Variants in CUX2 observed in about 807,000 individuals in gnomAD.
CUX2 encodes homeobox protein cut-like 2.
CUX2 carries 40 observed loss-of-function variants against 144.8 expected under a neutral mutation model. The ratio of observed to expected loss-of-function variants is 0.28; its 90% CI spans 0.21 to 0.36. The LOEUF is 0.36. Ranked by LOEUF, CUX2 falls within the 10% of genes least tolerant of loss-of-function variation. The probability of loss-of-function intolerance (pLI) is 1.00; values close to 1 mark genes in which losing one functional copy is unlikely to be tolerated. For missense variants in CUX2, 1,615 were observed against 1,994.0 expected (o/e 0.81, Z 3.62); for synonymous variants, 827 against 875.6 (o/e 0.94, Z 0.98).
At chr12:111,087,298 G>A (rs775414187) in intron 1 of CUX2, among the ~76,000 whole-genome samples, 1 of 147,928 alleles carries the variant, frequency 6.8e-6, no homozygotes, top group Non-Finnish European at 1.5e-5. Context: ...AACCTGGGAG[G>A]CGGAGGTTGC....
At chr12:111,298,933 A>G (rs1280574152) in intron 9 of CUX2, among the ~76,000 whole-genome samples, 1 of 152,244 alleles carries the variant, frequency 6.6e-6, no homozygotes, top group Admixed American at 6.5e-5. Flanking sequence ...TAAGACCCAA[A>G]GAATAAATGA....
intron 1 of CUX2, among the ~76,000 whole-genome samples, chr12:111,072,481 A>T (rs182268759): frequency 6.6e-6 from 1 of 152,122 alleles, no homozygotes; most frequent in Admixed American, 6.5e-5. Context: ...CCATCTCTCC[A>T]TCACAATACA....
chr12:111,103,423 C>T (rs1213239577), intron 1 of CUX2, among the ~76,000 whole-genome samples: 1 of 152,166 alleles, frequency 6.6e-6, no homozygotes, highest in Admixed American at 6.5e-5. Flanking sequence ...TCTCTCAACT[C>T]GAAGACCAGG....
chr12:111,144,854 C>T (rs1327990494), intron 1 of CUX2, among the ~76,000 whole-genome samples: 1 of 152,156 alleles, frequency 6.6e-6, no homozygotes, highest in Non-Finnish European at 1.5e-5. Context: ...AGACTGTGGG[C>T]CGGGCAGTAG....
At chr12:111,292,928 G>T (rs1402567856) in intron 5 of CUX2, among the ~76,000 whole-genome samples, 1 of 152,170 alleles carries the variant, frequency 6.6e-6, no homozygotes, top group Non-Finnish European at 1.5e-5. Context: ...TCCAAGACCA[G>T]CCTGGACAAC....
intron 20 of CUX2, among the ~76,000 whole-genome samples, chr12:111,341,171 G>C (rs1888558371): frequency 6.6e-6 from 1 of 152,182 alleles, no homozygotes; most frequent in Admixed American, 6.5e-5. Context: ...GCGTGCACCT[G>C]TAGTCCCACC....
intron 1 of CUX2, among the ~76,000 whole-genome samples, chr12:111,159,469 A>C (rs1002741917): frequency 3.3e-5 from 5 of 152,196 alleles, no homozygotes; most frequent in Admixed American, 3.3e-4. Flanking sequence ...GATTTTAGAA[A>C]TACTTCCCAA....
At chr12:111,097,238 C>A (rs1463575690) in intron 1 of CUX2, among the ~76,000 whole-genome samples, 1 of 152,168 alleles carries the variant, frequency 6.6e-6, no homozygotes, top group Non-Finnish European at 1.5e-5. Flanking sequence ...CTGAGACCAC[C>A]AGGTGTGGCC....
At chr12:111,305,546 A>G (rs1300081583) in intron 10 of CUX2, among the ~76,000 whole-genome samples, 4 of 152,148 alleles carry the variant, frequency 2.6e-5, no homozygotes, top group Non-Finnish European at 5.9e-5. Context: ...AAAGGATTAC[A>G]TGAGTCAGGC....
intron 1 of CUX2, among the ~76,000 whole-genome samples, chr12:111,159,177 T>G (rs1163796119): frequency 1.3e-5 from 2 of 152,170 alleles, no homozygotes; most frequent in Admixed American, 1.3e-4. Flanking sequence ...AACAGGGTCT[T>G]GCTCTGTTAC....
At chr12:111,301,134 T>C (rs1233948149) in intron 9 of CUX2, among the ~76,000 whole-genome samples, 1 of 152,092 alleles carries the variant, frequency 6.6e-6, no homozygotes, top group Non-Finnish European at 1.5e-5. Context: ...CCACACATTA[T>C]GGAGACGTAT....
chr12:111,086,591 T>C (rs1021925296), intron 1 of CUX2, among the ~76,000 whole-genome samples: 1 of 152,130 alleles, frequency 6.6e-6, no homozygotes, highest in African/African-American at 2.4e-5. Flanking sequence ...GGAAGAAGGC[T>C]CCTCTTTTAG....
At chr12:111,324,902 T>C (rs911109336) in intron 18 of CUX2, among the ~76,000 whole-genome samples, 2 of 152,126 alleles carry the variant, frequency 1.3e-5, no homozygotes, top group African/African-American at 4.8e-5. Flanking sequence ...GACTTACATA[T>C]TGTTGTCTGT....
chr12:111,216,942 C>A (rs1463783948), intron 2 of CUX2, among the ~76,000 whole-genome samples: 1 of 152,206 alleles, frequency 6.6e-6, no homozygotes, highest in Non-Finnish European at 1.5e-5. Flanking sequence ...CCCTCCCCAC[C>A]CTATCTAGTC....
intron 4 of CUX2, among the ~76,000 whole-genome samples, chr12:111,290,633 G>C (rs1885623748): frequency 6.6e-6 from 1 of 151,824 alleles, no homozygotes; most frequent in Non-Finnish European, 1.5e-5. Flanking sequence ...TCACCATATT[G>C]GTCAGGTGGT....
Position 111,190,105 on chromosome 12 carries a change from T to C in CUX2, c.64-24095T>C, listed in dbSNP as rs1178854335. Among the ~76,000 whole-genome samples the C allele has an allele frequency of 2.6e-5, 4 of 152,200 alleles. No individual in the cohort carries two copies. The highest frequency in any genetic ancestry group is 7.2e-5 in the African/African-American group (3 of 41,450). On this transcript the variant is annotated intron_variant, in intron 1 of 21. Coordinates refer to ENST00000261726, the MANE Select transcript of CUX2 (RefSeq NM_015267.4). The surrounding 1 kb of genome is among the most constrained non-coding windows in gnomAD (Gnocchi z 4.0). The stretch of plus-strand genomic sequence containing the variant: ...GGTTAAGCATCTTTTCGTGTGTTCA[T>C]TGACTGTTGGGATCTCCTCTTATGT...
At chr12:111,066,929 A>G (rs574593906) in intron 1 of CUX2, among the ~76,000 whole-genome samples, 8 of 152,196 alleles carry the variant, frequency 5.3e-5, no homozygotes, top group Non-Finnish European at 1.0e-4. Context: ...GCACTTGGCC[A>G]AGCACCTGGT....
chr12:111,320,737 G>T lies in CUX2; in HGVS notation c.2728G>T (p.Ala910Ser). The change falls in exon 17 of 22, where the codon GCC becomes TCC. Residue 910 changes from alanine (A) to serine (S), a missense_variant. Ala to Ser is a moderately conservative substitution (Grantham distance 99). Coordinates refer to ENST00000261726, the MANE Select transcript of CUX2 (RefSeq NM_015267.4). The surrounding 1 kb of genome is among the most constrained non-coding windows in gnomAD (Gnocchi z 8.1). ...CACCCGCCAGGTCAAGGAGAAGCTG[G>T]CCAAGAACGGCATCTGCCAGAGGAT... ...ELTRQVKEKL[A>S]KNGICQRIFG... 1 of 1,582,736 alleles carries T rather than the reference G, an allele frequency of 6.3e-7. No individual in the cohort carries two copies. The highest frequency in any genetic ancestry group is 1.1e-5 in the South Asian group (1 of 89,666).
At chr12:111,064,196 A>G (rs1439141214) in intron 1 of CUX2, among the ~76,000 whole-genome samples, 2 of 152,206 alleles carry the variant, frequency 1.3e-5, no homozygotes, top group Admixed American at 6.5e-5. Context: ...ATTCAGAATC[A>G]GAGAGCTGGT....
Sources: allele counts gnomAD v4.1 joint callset (sites outside exome capture counted in the v4.1 genomes callset), GRCh38; gene constraint gnomAD v4.1.1; non-coding constraint Gnocchi (gnomAD v3.1); transcripts MANE v1.5; gene names NCBI Gene and HGNC (gene_info 2026-07-23, HGNC 2026-07-21).